The following PTPRD variants were observed in gnomAD, a reference collection of about 807,000 sequenced individuals.
The protein encoded by PTPRD is receptor-type tyrosine-protein phosphatase delta.
Under a neutral mutation model 214.5 loss-of-function variants are expected in PTPRD, and 34 were observed. The ratio of observed to expected loss-of-function variants is 0.16; its 90% confidence interval spans 0.12 to 0.21. The LOEUF is 0.21. PTPRD is among the 10% of genes least tolerant of loss of function. The pLI is 1.00. For synonymous variants in PTPRD, 1,128 were observed against 845.7 expected (o/e 1.33, Z -5.79); for missense variants, 2,545 against 2,398.7 (o/e 1.06, Z -1.27).
intron 10 of PTPRD, among the ~76,000 whole-genome samples, chr9:9,125,061 T>A (rs974986249): frequency 1.3e-5 from 2 of 152,052 alleles, no homozygotes; most frequent in African/African-American, 4.8e-5. Context: ...ATCTGTATGC[T>A]CCCTTAAGCT....
chr9:9,033,802 CT>C (rs1163806489), intron 10 of PTPRD, among the ~76,000 whole-genome samples: 3 of 152,012 alleles, frequency 2.0e-5, no homozygotes, highest in African/African-American at 7.2e-5. Flanking sequence ...TGACTTTTTG[CT>C]GTTGGGACTG....
intron 8 of PTPRD, among the ~76,000 whole-genome samples, chr9:9,488,294 T>A (rs1039203412): frequency 6.6e-6 from 1 of 152,216 alleles, no homozygotes; most frequent in Non-Finnish European, 1.5e-5. Flanking sequence ...TTTGGTGTAA[T>A]TCCACAGTTT....
At chr9:9,556,233 C>A (rs1424042046) in intron 8 of PTPRD, among the ~76,000 whole-genome samples, 1 of 152,024 alleles carries the variant, frequency 6.6e-6, no homozygotes, top group Non-Finnish European at 1.5e-5. Context: ...AATATATTTA[C>A]TGTTAAGTGA....
At chr9:8,953,381 A>G (rs1250111163) in intron 11 of PTPRD, among the ~76,000 whole-genome samples, 1 of 152,022 alleles carries the variant, frequency 6.6e-6, no homozygotes, top group Non-Finnish European at 1.5e-5. Flanking sequence ...AAGACCTCAA[A>G]CTATAAACAT....
chr9:8,685,263 A>C (rs1596959058), intron 12 of PTPRD, among the ~76,000 whole-genome samples: 1 of 152,296 alleles, frequency 6.6e-6, no homozygotes, highest in East Asian at 1.9e-4. Flanking sequence ...AAGCAGAAAA[A>C]AAAAAAAGGT....
chr9:9,507,942 G>A (rs1419142405), intron 8 of PTPRD, among the ~76,000 whole-genome samples: 1 of 151,266 alleles, frequency 6.6e-6, no homozygotes, highest in East Asian at 2.0e-4. Flanking sequence ...TTTCAGAAGG[G>A]GAAAATGAGC....
At chr9:8,390,006 C>A (rs904781) in intron 36 of PTPRD, among the ~76,000 whole-genome samples, 55,707 of 151,880 alleles carry the variant, frequency 0.37, 10,308 homozygotes, top group Admixed American at 0.4. Flanking sequence ...AGGTTTAATC[C>A]TAGGCTACTC....
chr9:9,555,032 A>C (rs914540492), intron 8 of PTPRD, among the ~76,000 whole-genome samples: 1 of 152,068 alleles, frequency 6.6e-6, no homozygotes, highest in Non-Finnish European at 1.5e-5. Context: ...AAATAATTCT[A>C]TATTAGAAAA....
intron 5 of PTPRD, among the ~76,000 whole-genome samples, chr9:9,907,514 A>G (rs2077941110): frequency 6.6e-6 from 1 of 151,998 alleles, no homozygotes; most frequent in African/African-American, 2.4e-5. Flanking sequence ...CTCAATGTAC[A>G]CATATCACTG....
intron 8 of PTPRD, among the ~76,000 whole-genome samples, chr9:9,459,441 T>C (rs1453994109): frequency 5.9e-5 from 9 of 152,112 alleles, no homozygotes; most frequent in Admixed American, 4.6e-4. Flanking sequence ...AATGATCTTA[T>C]ATCTAGAAAA....
At chr9:8,785,046 TAAAAG>T (rs2095881821) in intron 11 of PTPRD, among the ~76,000 whole-genome samples, 1 of 151,972 alleles carries the variant, frequency 6.6e-6, no homozygotes, top group South Asian at 2.1e-4. Context: ...CTGAGACTAA[TAAAAG>T]AGAAAACCCT....
chr9:9,203,344 T>C (rs1046633523), intron 9 of PTPRD, among the ~76,000 whole-genome samples: 3 of 152,064 alleles, frequency 2.0e-5, no homozygotes, highest in African/African-American at 7.2e-5. Context: ...TGGCATATAG[T>C]AGAGCTTGGA....
intron 11 of PTPRD, among the ~76,000 whole-genome samples, chr9:8,835,738 A>C (rs985807000): frequency 6.6e-6 from 1 of 151,974 alleles, no homozygotes; most frequent in East Asian, 1.9e-4. Flanking sequence ...GGGTCTCTCT[A>C]TGCTGCCCAG....
chr9:8,744,116 C>G (rs6477339), intron 11 of PTPRD, among the ~76,000 whole-genome samples: 11,476 of 152,036 alleles, frequency 0.075, 1,161 homozygotes, highest in African/African-American at 0.23. Flanking sequence ...GGTCCTGCAA[C>G]AATGGTCATA....
intron 5 of PTPRD, among the ~76,000 whole-genome samples, chr9:9,797,838 G>T (rs1343010641): frequency 1.3e-5 from 2 of 151,912 alleles, no homozygotes; most frequent in Non-Finnish European, 2.9e-5. Flanking sequence ...ACAACAGCGA[G>T]ACTTAATCTC....
intron 21 of PTPRD, among the ~76,000 whole-genome samples, chr9:8,514,553 G>A (rs1481308361): frequency 7.9e-6 from 1 of 125,798 alleles, no homozygotes; most frequent in East Asian, 2.4e-4. Context: ...ATTTCTAAAT[G>A]TTTTCATGTA....
chr9:8,917,114 TTTCTTC>T (rs542752335), intron 11 of PTPRD, among the ~76,000 whole-genome samples: 8 of 149,696 alleles, frequency 5.3e-5, no homozygotes, highest in South Asian at 2.2e-4. Flanking sequence ...TAATAGATTA[TTTCTTC>T]TTCTTCTTCT....
At chr9:8,468,120 A>G (rs2096579960) in intron 31 of PTPRD, among the ~76,000 whole-genome samples, 1 of 152,064 alleles carries the variant, frequency 6.6e-6, no homozygotes, top group Non-Finnish European at 1.5e-5. Context: ...GAAGTAATTC[A>G]CAATAAAATA....
intron 8 of PTPRD, among the ~76,000 whole-genome samples, chr9:9,525,274 T>A (rs1270222390): frequency 6.6e-6 from 1 of 152,156 alleles, no homozygotes; most frequent in Non-Finnish European, 1.5e-5. Context: ...GCCCTTTTTC[T>A]CTCTGTAGAC....
Sources: gnomAD v4.1 joint callset for allele counts (sites outside exome capture counted in the v4.1 genomes callset) on GRCh38, gnomAD v4.1.1 for gene constraint, MANE v1.5 for transcripts, NCBI Gene and HGNC (gene_info 2026-07-23, HGNC 2026-07-21) for gene names.